ERF: variants seen among roughly 807,000 people sequenced by gnomAD.
ERF encodes the protein ETS2 repressor factor, also known as ETS domain-containing transcription factor ERF.
In ERF, 10 loss-of-function variants were observed where a neutral mutation model predicts 41.6. The ratio of observed to expected loss-of-function variants is 0.24; its 90% CI spans 0.15 to 0.41. ERF has a LOEUF of 0.41. ERF is among the 10% of genes least tolerant of loss of function. The pLI, the probability that ERF is intolerant of heterozygous loss-of-function variation, is 1.00. For missense variants in ERF, 621 were observed against 763.2 expected (o/e 0.81, Z 2.19); for synonymous variants, 395 against 342.4 (o/e 1.15, Z -1.70).
rs866278705 is a variant in ERF, at chr19:42,249,784, G to A, written c.373+43C>T. ...TCAAGGCCCCTGGCCTAGCCTGAAG[G>A]GGCATGTAGACCCTCTCCACACCAA... On this transcript the variant is annotated intron_variant, in intron 3 of 3. Transcript: ENST00000222329. The surrounding 1 kb of genome is among the most constrained non-coding windows in gnomAD (Gnocchi z 8.6). The A allele has an allele frequency of 1.2e-5, 19 of 1,613,844 alleles. No homozygotes were observed. Among genetic ancestry groups the A allele is most frequent in the Middle Eastern group, 1.6e-4 (1 of 6,084 alleles).
At position 42,250,471 on chromosome 19, in the gene ERF, C is replaced by T; in HGVS notation, c.117G>A (p.Lys39=). Reference sequence around the variant, plus strand: ...AGGCAATGACGCCCTGGTACTCCTCCTTCCGCAGCAGCTCCAGGATAAAGT... The same window carrying T: ...AGGCAATGACGCCCTGGTACTCCTCTTTCCGCAGCAGCTCCAGGATAAAGT... ...LWHFILELLR[K]EEYQGVIAWQ... Residue 39 remains lysine (K), a synonymous_variant, in exon 2 of 4, where the codon AAG becomes AAA. Coordinates refer to ENST00000222329, the MANE Select transcript of ERF (RefSeq NM_006494.4). This position sits in a 1 kb window ranked among gnomAD's most constrained non-coding sequence, Gnocchi z 5.1. The T allele has an allele frequency of 8.7e-6, 14 of 1,613,602 alleles. No homozygotes were observed. Among genetic ancestry groups the T allele is most frequent in the Non-Finnish European group, 1.0e-5 (12 of 1,180,034 alleles).
chr19:42,250,670 C>T lies in ERF; in HGVS notation c.23-105G>A, dbSNP rs1449195611. On this transcript the variant is annotated intron_variant, in intron 1 of 3. Transcript: ENST00000222329. The surrounding 1 kb of genome is among the most constrained non-coding windows in gnomAD (Gnocchi z 5.1). ...TGCCCTGCCTTCAACATGGGGAAAT[C>T]TGTCTCACCTCAGCCAAGTCAAGAT... 1 of 1,079,656 alleles carries T rather than the reference C, an allele frequency of 9.3e-7. No individual in the cohort carries two copies. Among genetic ancestry groups the T allele is most frequent in the African/African-American group, 1.6e-5 (1 of 63,186 alleles). 66.9% of individuals were successfully genotyped at this position (1,079,656 alleles called of 1,614,324 possible).
Position 42,248,319 on chromosome 19 carries a change from A to T in ERF, c.*146T>A. 6.4e-6 allele frequency: 4 copies of T among 626,276 alleles called. No individual in the cohort carries two copies. Among genetic ancestry groups the T allele is most frequent in the Non-Finnish European group, 9.2e-6 (4 of 436,424 alleles). 38.8% of individuals were successfully genotyped at this position (626,276 alleles called of 1,614,324 possible). A position where few individuals can be genotyped will look rare whatever the true frequency, so the allele number is the denominator to read the frequency against. ...CCACCATTTTTAAAAAAAAGAAATT[A>T]AAGTTTTATACAAAATGTGGGGAGG... On this transcript the variant is annotated 3_prime_UTR_variant, in exon 4 of 4. Transcript: ENST00000222329. The surrounding 1 kb of genome is among the most constrained non-coding windows in gnomAD (Gnocchi z 4.2).
chr19:42,254,226 G>T (rs893655849), intron 1 of ERF, among the ~76,000 whole-genome samples: 10 of 151,726 alleles, frequency 6.6e-5, no homozygotes, highest in Non-Finnish European at 1.5e-4. Context: ...CCGGGAGGGG[G>T]GGCGAGGGGG....
chr19:42,252,117 A>G (rs944663622), intron 1 of ERF, among the ~76,000 whole-genome samples: 1 of 152,182 alleles, frequency 6.6e-6, no homozygotes, highest in African/African-American at 2.4e-5. Context: ...TAGAGAATCC[A>G]GATCACAAGG....
In ERF at chr19:42,248,327, A is replaced by T; in HGVS notation, c.*138T>A. 2.6e-5 allele frequency: 13 copies of T among 503,610 alleles called. No homozygotes were observed. Among genetic ancestry groups the T allele is most frequent in the South Asian group, 7.2e-5 (1 of 13,938 alleles). 31.2% of individuals were successfully genotyped at this position (503,610 alleles called of 1,614,324 possible). On this transcript the variant is annotated 3_prime_UTR_variant, in exon 4 of 4. Transcript: ENST00000222329. This position sits in a 1 kb window ranked among gnomAD's most constrained non-coding sequence, Gnocchi z 4.2. The stretch of plus-strand genomic sequence containing the variant: ...TTTAAAAAAAAGAAATTAAAGTTTT[A>T]TACAAAATGTGGGGAGGGAAAAGGG...
In ERF at chr19:42,248,446, G is replaced by T; in HGVS notation, c.*19C>A. The stretch of plus-strand genomic sequence containing the variant: ...AAGCATGGGGGGTGCGGGGCACACA[G>T]GTCCCCTGCCCACAGCCCTCAGGAG... On this transcript the variant is annotated 3_prime_UTR_variant, in exon 4 of 4. Transcript: ENST00000222329. The surrounding 1 kb of genome is among the most constrained non-coding windows in gnomAD (Gnocchi z 4.2). The T allele has an allele frequency of 6.8e-7, 1 of 1,471,644 alleles. No homozygotes were observed. Among genetic ancestry groups the T allele is most frequent in the Non-Finnish European group, 9.0e-7 (1 of 1,112,044 alleles). The allele number at this position is 1,471,644 out of a possible 1,614,324, so 91.2% of individuals were successfully genotyped here. A position where few individuals can be genotyped will look rare whatever the true frequency, so the allele number is the denominator to read the frequency against.
In ERF at chr19:42,249,382, G is replaced by T; in HGVS notation, c.730C>A (p.Pro244Thr). ...VYPRPRGGPE[P>T]LSPFPVSPLA... is the part of the protein sequence containing the mutation. ...GGCGACACAGGGAAGGGGCTGAGGG[G>T]TTCAGGGCCACCCCGAGGCCGGGGA... The change falls in exon 4 of 4, where the codon CCC becomes ACC. Residue 244 changes from proline to threonine, a missense_variant. This residue lies in a region of ERF where 569 missense variants were observed against 625.5 expected (regional missense o/e 0.91). Coordinates refer to ENST00000222329, the MANE Select transcript of ERF (RefSeq NM_006494.4). This position sits in a 1 kb window ranked among gnomAD's most constrained non-coding sequence, Gnocchi z 8.6. The T allele has an allele frequency of 6.4e-7, 1 of 1,574,732 alleles. No individual in the cohort carries two copies. The highest frequency in any genetic ancestry group is 8.6e-7 in the Non-Finnish European group (1 of 1,160,810).
In ERF at chr19:42,248,542, G is replaced by A; in HGVS notation, c.1570C>T (p.Pro524Ser). The A allele has an allele frequency of 6.5e-7, 1 of 1,548,784 alleles. No individual in the cohort carries two copies. The highest frequency in any genetic ancestry group is 8.7e-7 in the Non-Finnish European group (1 of 1,149,474). Residue 524 changes from proline to serine, a missense_variant, in exon 4 of 4, where the codon CCC (proline) becomes TCC (serine). Transcript: ENST00000222329. This position sits in a 1 kb window ranked among gnomAD's most constrained non-coding sequence, Gnocchi z 4.2. Reference protein sequence around the residue: ...RGEGPGEAGGPLTPRRVSSDL... With the variant: ...RGEGPGEAGGSLTPRRVSSDL... ...GAGCTCACCCGCCTTGGGGTGAGGG[G>A]CCCCCCAGCCTCCCCAGGCCCCTCC...
chr19:42,249,451 G>C lies in ERF; in HGVS notation c.661C>G (p.Pro221Ala). ...PPDLGAFRGPPLARLPHDPGV... is the reference protein window; with the variant it reads ...PPDLGAFRGPALARLPHDPGV... Reference sequence around the variant, plus strand: ...GGGTCATGGGGCAGGCGGGCCAGCGGGGGCCCTCGGAAGGCACCCAGATCC... The same window carrying C: ...GGGTCATGGGGCAGGCGGGCCAGCGCGGGCCCTCGGAAGGCACCCAGATCC... Residue 221 changes from proline (P) to alanine (A), a missense_variant, in exon 4 of 4, where the codon CCG becomes GCG. Around this residue, in one of 3 missense-constraint regions of ERF, gnomAD observed 569 missense variants for 625.5 expected, o/e 0.91. Coordinates refer to ENST00000222329, the MANE Select transcript of ERF (RefSeq NM_006494.4). This position sits in a 1 kb window ranked among gnomAD's most constrained non-coding sequence, Gnocchi z 8.6. 3.1e-6 allele frequency: 5 copies of C among 1,597,824 alleles called. No individual in the cohort carries two copies. The highest frequency in any genetic ancestry group is 4.3e-6 in the Non-Finnish European group (5 of 1,172,932).
intron 1 of ERF, among the ~76,000 whole-genome samples, chr19:42,252,390 G>A (rs376538162): frequency 1.7e-5 from 2 of 120,738 alleles, no homozygotes; most frequent in Non-Finnish European, 3.5e-5. Context: ...CCCAGCCTCC[G>A]TGTCCCGGTA....
Position 42,248,785 on chromosome 19 carries a change from T to C in ERF, c.1327A>G (p.Ile443Val), listed in dbSNP as rs2036380111. The change falls in exon 4 of 4, where the codon ATC becomes GTC. Residue 443 changes from isoleucine (I) to valine (V), a missense_variant. Coordinates refer to ENST00000222329, the MANE Select transcript of ERF (RefSeq NM_006494.4). This position sits in a 1 kb window ranked among gnomAD's most constrained non-coding sequence, Gnocchi z 4.2. Reference sequence around the variant, plus strand: ...CCGTCTTCCTCATCCTCATCACTGATGTCAGTCACCTCTACCTCCTCCGAC... The same window carrying C: ...CCGTCTTCCTCATCCTCATCACTGACGTCAGTCACCTCTACCTCCTCCGAC... Reference protein sequence around the residue: ...GESEEVEVTDISDEDEEDGEV... With the variant: ...GESEEVEVTDVSDEDEEDGEV... 1.2e-6 allele frequency: 2 copies of C among 1,613,506 alleles called. No individual in the cohort carries two copies. The highest frequency in any genetic ancestry group is 2.2e-5 in the East Asian group (1 of 44,866).
Position 42,249,402 on chromosome 19 carries a change from C to A in ERF, c.710G>T (p.Arg237Leu). 6.3e-7 allele frequency: 1 copy of A among 1,577,558 alleles called. No homozygotes were observed. Among genetic ancestry groups the A allele is most frequent in the Non-Finnish European group, 8.6e-7 (1 of 1,162,290 alleles). The change falls in exon 4 of 4, where the codon CGG becomes CTG. Residue 237 changes from arginine (R) to leucine (L), a missense_variant. Transcript: ENST00000222329. This position sits in a 1 kb window ranked among gnomAD's most constrained non-coding sequence, Gnocchi z 8.6. ...HDPGVFRVYP[R>L]PRGGPEPLSP... ...GAGGGGTTCAGGGCCACCCCGAGGC[C>A]GGGGATAGACTCGGAAGACACCAGG...
chr19:42,248,313 G>C lies in ERF; in HGVS notation c.*152C>G. The C allele has an allele frequency of 2.6e-6, 1 of 384,316 alleles. No homozygotes were observed. Among genetic ancestry groups the C allele is most frequent in the Non-Finnish European group, 3.8e-6 (1 of 260,532 alleles). 23.8% of individuals were successfully genotyped at this position (384,316 alleles called of 1,614,324 possible). ...CCACCCCCACCATTTTTAAAAAAAA[G>C]AAATTAAAGTTTTATACAAAATGTG... On this transcript the variant is annotated 3_prime_UTR_variant, in exon 4 of 4. Coordinates refer to ENST00000222329, the MANE Select transcript of ERF (RefSeq NM_006494.4). This position sits in a 1 kb window ranked among gnomAD's most constrained non-coding sequence, Gnocchi z 4.2.
At position 42,248,324 on chromosome 19, in the gene ERF, T is replaced by C; in HGVS notation, c.*141A>G. The C allele has an allele frequency of 1.4e-6, 1 of 738,858 alleles. No homozygotes were observed. Among genetic ancestry groups the C allele is most frequent in the Non-Finnish European group, 1.9e-6 (1 of 530,494 alleles). The allele number at this position is 738,858 out of a possible 1,614,324, so 45.8% of individuals were successfully genotyped here. On this transcript the variant is annotated 3_prime_UTR_variant, in exon 4 of 4. Transcript: ENST00000222329. This position sits in a 1 kb window ranked among gnomAD's most constrained non-coding sequence, Gnocchi z 4.2. ...ATTTTTAAAAAAAAGAAATTAAAGT[T>C]TTATACAAAATGTGGGGAGGGAAAA... is the stretch of plus-strand genomic sequence containing the variant.
At position 42,249,313 on chromosome 19, in the gene ERF, C is replaced by G. The variant is rs1235823610; in HGVS notation, c.799G>C (p.Ala267Pro). 4 of 1,590,954 alleles carry G rather than the reference C, an allele frequency of 2.5e-6. No individual in the cohort carries two copies. Among genetic ancestry groups the G allele is most frequent in the Non-Finnish European group, 3.4e-6 (4 of 1,168,998 alleles). Residue 267 changes from alanine (A) to proline (P), a missense_variant, in exon 4 of 4, where the codon GCT becomes CCT. This residue lies in a region of ERF where 569 missense variants were observed against 625.5 expected (regional missense o/e 0.91). Transcript: ENST00000222329. This position sits in a 1 kb window ranked among gnomAD's most constrained non-coding sequence, Gnocchi z 8.6. The part of the protein sequence containing the change: ...GSLLPPQLSP[A>P]LPMTPTHLAY... ...AGGTGGGTGGGCGTCATGGGCAGAG[C>G]CGGGGAGAGCTGAGGGGGCAGCAGG...
At position 42,249,081 on chromosome 19, in the gene ERF, C is replaced by G; in HGVS notation, c.1031G>C (p.Arg344Pro). The G allele has an allele frequency of 6.2e-7, 1 of 1,613,310 alleles. No homozygotes were observed. The highest frequency in any genetic ancestry group is 8.5e-7 in the Non-Finnish European group (1 of 1,179,712). Reference protein sequence around the residue: ...YPGLVVPQPQRPDKCPLPPMA... With the variant: ...YPGLVVPQPQPPDKCPLPPMA... ...GGGCGGCAGCGGGCACTTGTCAGGG[C>G]GCTGGGGCTGGGGCACCACCAGCCC... is the stretch of plus-strand genomic sequence containing the variant. The change falls in exon 4 of 4, where the codon CGC becomes CCC. Residue 344 changes from arginine to proline, a missense_variant. Arg to Pro is a moderately radical substitution (Grantham distance 103). Around this residue, in one of 3 missense-constraint regions of ERF, gnomAD observed 569 missense variants for 625.5 expected, o/e 0.91. Coordinates refer to ENST00000222329, the MANE Select transcript of ERF (RefSeq NM_006494.4). This position sits in a 1 kb window ranked among gnomAD's most constrained non-coding sequence, Gnocchi z 8.6.
rs2036397117 is a variant in ERF at position 42,249,287 on chromosome 19, C to A, written c.825G>T (p.Leu275=). The A allele has an allele frequency of 6.2e-7, 1 of 1,604,566 alleles. No homozygotes were observed. Among genetic ancestry groups the A allele is most frequent in the African/African-American group, 1.3e-5 (1 of 74,772 alleles). ...TCAGCGTGGGCGAGGGAGTGTAGGC[C>A]AGGTGGGTGGGCGTCATGGGCAGAG... is the stretch of plus-strand genomic sequence containing the variant. ...SPALPMTPTH[L]AYTPSPTLSP... Residue 275 remains leucine (L), a synonymous_variant, in exon 4 of 4, where the codon CTG becomes CTT. Coordinates refer to ENST00000222329, the MANE Select transcript of ERF (RefSeq NM_006494.4). The surrounding 1 kb of genome is among the most constrained non-coding windows in gnomAD (Gnocchi z 8.6).
rs2036389860 is a variant in ERF, at chr19:42,249,043, T to C, written c.1069A>G (p.Thr357Ala). 1 of 1,611,784 alleles carries C rather than the reference T, an allele frequency of 6.2e-7. No individual in the cohort carries two copies. Among genetic ancestry groups the C allele is most frequent in the Admixed American group, 1.7e-5 (1 of 59,918 alleles). Residue 357 changes from threonine (T) to alanine (A), a missense_variant, in exon 4 of 4, where the codon ACC becomes GCC. Thr to Ala is a moderately conservative substitution (Grantham distance 58). This residue lies in a region of ERF where 569 missense variants were observed against 625.5 expected (regional missense o/e 0.91). Transcript: ENST00000222329. This position sits in a 1 kb window ranked among gnomAD's most constrained non-coding sequence, Gnocchi z 8.6. ...GAGGCCGAGGAGGGGACCGGTGGGG[T>C]CTCGGGTGCCATGGGCGGCAGCGGG... Reference protein sequence around the residue: ...KCPLPPMAPETPPVPSSASSS... With the variant: ...KCPLPPMAPEAPPVPSSASSS...
Sources: allele counts gnomAD v4.1 joint callset (sites outside exome capture counted in the v4.1 genomes callset), GRCh38; gene constraint gnomAD v4.1.1; regional missense constraint gnomAD v4.1.1; non-coding constraint Gnocchi (gnomAD v3.1); transcripts MANE v1.5; gene names NCBI Gene and HGNC (gene_info 2026-07-23, HGNC 2026-07-21).